Variants in PTN observed in about 807,000 individuals in gnomAD.
PTN encodes pleiotrophin, also known as heparin affin regulatory protein.
PTN carries 18 observed loss-of-function variants against 24.1 expected under a neutral mutation model. The observed-to-expected ratio is 0.75, with a 90% CI of 0.52 to 1.11. The LOEUF is 1.11. Among genes scored for constraint, PTN ranks in the 50% least tolerant of loss-of-function variants. The pLI is 0.00. For synonymous variants in PTN, 78 were observed against 68.6 expected (o/e 1.14, Z -0.67); for missense variants, 163 against 198.8 (o/e 0.82, Z 1.08).
At chr7:137,302,722 C>T (rs1374924492) in intron 1 of PTN, among the ~76,000 whole-genome samples, 1 of 151,918 alleles carries the variant, frequency 6.6e-6, no homozygotes, top group Non-Finnish European at 1.5e-5. Flanking sequence ...TACTTACCTG[C>T]TGCTTTTATA....
chr7:137,286,205 C>A (rs1563212673), intron 1 of PTN, among the ~76,000 whole-genome samples: 1 of 152,140 alleles, frequency 6.6e-6, no homozygotes. Flanking sequence ...TAGATAAAGT[C>A]ATTGAGGTAT....
intron 1 of PTN, among the ~76,000 whole-genome samples, chr7:137,323,735 A>G (rs1038218536): frequency 6.6e-6 from 1 of 152,172 alleles, no homozygotes; most frequent in Admixed American, 6.6e-5. Flanking sequence ...CTCAAACTCG[A>G]TCATGTATTA....
At chr7:137,342,577 G>T (rs1489083780) in intron 1 of PTN, among the ~76,000 whole-genome samples, 1 of 152,074 alleles carries the variant, frequency 6.6e-6, no homozygotes, top group Non-Finnish European at 1.5e-5. Context: ...GGAGAAAGGG[G>T]TGTGTGTGTA....
intron 1 of PTN, among the ~76,000 whole-genome samples, chr7:137,261,715 T>C (rs1426671173): frequency 6.6e-6 from 1 of 152,202 alleles, no homozygotes; most frequent in Non-Finnish European, 1.5e-5. Flanking sequence ...TTTTTATGCC[T>C]AGGCTCAACA....
chr7:137,316,940 T>C (rs1362247400), intron 1 of PTN, among the ~76,000 whole-genome samples: 2 of 152,132 alleles, frequency 1.3e-5, no homozygotes, highest in South Asian at 4.1e-4. Flanking sequence ...CCAGGCCCCT[T>C]AGTGGAACTG....
At position 137,331,447 on chromosome 7, in the gene PTN, G is replaced by A. The variant is rs1002370411; in HGVS notation, c.-2+11992C>T. 3.9e-5 allele frequency among the ~76,000 whole-genome samples: 6 copies of A among 152,298 alleles called. No homozygotes were observed. The East Asian group carries it at 1.2e-3, about 29-fold the overall frequency. Reference sequence around the variant, plus strand: ...TGGTGGGAATCCCAATACTGGCACAGATACTAAACGCATTTGACTTTCACT... The same window carrying A: ...TGGTGGGAATCCCAATACTGGCACAAATACTAAACGCATTTGACTTTCACT... On this transcript the variant is annotated intron_variant, in intron 1 of 4. Transcript: ENST00000348225.
chr7:137,329,657 G>T (rs1247504854), intron 1 of PTN, among the ~76,000 whole-genome samples: 1 of 152,182 alleles, frequency 6.6e-6, no homozygotes, highest in Non-Finnish European at 1.5e-5. Context: ...ATTAATTCTT[G>T]CCAGAGTTTC....
chr7:137,312,799 A>G (rs1043726262), intron 1 of PTN, among the ~76,000 whole-genome samples: 4 of 152,238 alleles, frequency 2.6e-5, no homozygotes, highest in Non-Finnish European at 5.9e-5. Context: ...ACAAATGTAT[A>G]AAACATATAT....
chr7:137,258,680 G>A (rs1808978339), intron 1 of PTN, among the ~76,000 whole-genome samples: 2 of 152,178 alleles, frequency 1.3e-5, no homozygotes, highest in South Asian at 4.1e-4. Context: ...CCTTGCTGTT[G>A]TAGTAAATAC....
chr7:137,260,749 C>T (rs1809021577), intron 1 of PTN, among the ~76,000 whole-genome samples: 1 of 152,008 alleles, frequency 6.6e-6, no homozygotes, highest in African/African-American at 2.4e-5. Flanking sequence ...AGGTGCTATC[C>T]CTTTGGTAAG....
rs1809386788 is a variant in PTN, at chr7:137,277,841, A to T, written c.-1-22867T>A. 2.0e-5 allele frequency among the ~76,000 whole-genome samples: 3 copies of T among 152,030 alleles called. 1 individual carries two copies. The South Asian group carries it at 6.2e-4, about 32-fold the overall frequency. ...TGGCTAAGCCTCCCAAAGTGCTTGG[A>T]TTATAAGCATGAGCCACCATGCCCA... On this transcript the variant is annotated intron_variant, in intron 1 of 4. Transcript: ENST00000348225.
intron 3 of PTN, among the ~76,000 whole-genome samples, chr7:137,252,995 G>A (rs1182906047): frequency 1.3e-5 from 2 of 152,052 alleles, no homozygotes; most frequent in Non-Finnish European, 2.9e-5. Context: ...GAAACATGGA[G>A]AAGCAGGAGA....
intron 1 of PTN, among the ~76,000 whole-genome samples, chr7:137,302,718 C>G (rs1041399799): frequency 6.6e-6 from 1 of 151,930 alleles, no homozygotes; most frequent in African/African-American, 2.4e-5. Context: ...CTTATACTTA[C>G]CTGCTGCTTT....
At chr7:137,307,611 AT>A (rs1563219243) in intron 1 of PTN, among the ~76,000 whole-genome samples, 1 of 151,336 alleles carries the variant, frequency 6.6e-6, no homozygotes, top group Non-Finnish European at 1.5e-5. Context: ...ATATATATAT[AT>A]GTATTTAATA....
At chr7:137,327,873 T>C (rs977700134) in intron 1 of PTN, among the ~76,000 whole-genome samples, 3 of 152,196 alleles carry the variant, frequency 2.0e-5, no homozygotes, top group Non-Finnish European at 4.4e-5. Context: ...AGATATTCTA[T>C]TGATTAAAAA....
chr7:137,259,654 T>C (rs1808998851), intron 1 of PTN, among the ~76,000 whole-genome samples: 1 of 151,436 alleles, frequency 6.6e-6, no homozygotes, highest in Non-Finnish European at 1.5e-5. Flanking sequence ...TTTTATCTAG[T>C]ATTATCCAAA....
chr7:137,234,869 C>A (rs1474050445), intron 4 of PTN, among the ~76,000 whole-genome samples: 3 of 152,008 alleles, frequency 2.0e-5, no homozygotes, highest in Non-Finnish European at 4.4e-5. Context: ...ACTAAAGTGA[C>A]TCAGGCCCTG....
chr7:137,265,020 G>A (rs553351365), intron 1 of PTN, among the ~76,000 whole-genome samples: 1 of 150,110 alleles, frequency 6.7e-6, no homozygotes, highest in Admixed American at 6.6e-5. Context: ...AGTTTTGTCA[G>A]GTCAGGTGGC....
At chr7:137,277,215 T>C (rs1183819770) in intron 1 of PTN, among the ~76,000 whole-genome samples, 1 of 152,182 alleles carries the variant, frequency 6.6e-6, no homozygotes, top group East Asian at 1.9e-4. Context: ...AACTCTTCAA[T>C]ATGATATCAC....
Sources: gnomAD v4.1 joint callset for allele counts (sites outside exome capture counted in the v4.1 genomes callset) on GRCh38, gnomAD v4.1.1 for gene constraint, MANE v1.5 for transcripts, NCBI Gene and HGNC (gene_info 2026-07-23, HGNC 2026-07-21) for gene names.